MCF2L: variants seen among roughly 807,000 people sequenced by gnomAD.
MCF2L encodes MCF.2 cell line derived transforming sequence like, also known as guanine nucleotide exchange factor DBS.
In MCF2L, 97 loss-of-function variants were observed where a neutral mutation model predicts 153.4. The ratio of observed to expected loss-of-function variants is 0.63; its 90% confidence interval spans 0.54 to 0.75. The LOEUF (loss-of-function observed/expected upper bound fraction) is 0.75, where lower values mean the gene tolerates loss of function less well. Among genes scored for constraint, MCF2L ranks in the 30% least tolerant of loss-of-function variants. The pLI is 0.00. For missense variants in MCF2L, 1,347 were observed against 1,495.2 expected (o/e 0.90, Z 1.64); for synonymous variants, 659 against 632.2 (o/e 1.04, Z -0.64).
intron 1 of MCF2L, among the ~76,000 whole-genome samples, chr13:112,900,299 C>T (rs1458157755): frequency 2.0e-5 from 3 of 152,220 alleles, no homozygotes; most frequent in African/African-American, 7.2e-5. Flanking sequence ...CCGGACCTTT[C>T]TGCAGAGATG....
chr13:113,017,293 G>T (rs2084592234), intron 2 of MCF2L, among the ~76,000 whole-genome samples: 1 of 152,208 alleles, frequency 6.6e-6, no homozygotes, highest in East Asian at 1.9e-4. Context: ...GGTTCCGTGG[G>T]GCTGTGCCCC....
At chr13:113,095,414 CAG>C in intron 27 of MCF2L, 9 of 1,088,956 alleles carry the variant, frequency 8.3e-6, no homozygotes, top group Non-Finnish European at 1.0e-5. Context: ...GTGGGGGACA[CAG>C]AGGCGGAGGC....
intron 1 of MCF2L, chr13:113,009,630 T>A (rs932333621): frequency 2.0e-5 from 3 of 152,264 alleles, no homozygotes; most frequent in Non-Finnish European, 4.4e-5. Context: ...GGGACGGGGA[T>A]GCTGGCCTCC....
chr13:113,021,501 C>T (rs911360807), intron 2 of MCF2L, among the ~76,000 whole-genome samples: 2 of 152,156 alleles, frequency 1.3e-5, no homozygotes, highest in Admixed American at 1.3e-4. Context: ...GGGTGGGGAC[C>T]GGAGGCTGCC....
chr13:113,088,671 G>A (rs372292556), intron 25 of MCF2L, 43 bp downstream of exon 25: 1 of 1,582,252 alleles, frequency 6.3e-7, no homozygotes, highest in African/African-American at 1.3e-5. Flanking sequence ...TTCTGGAGCA[G>A]TCCCGAGCAG....
intron 7 of MCF2L, among the ~76,000 whole-genome samples, chr13:113,065,667 C>A (rs1454296809): frequency 1.3e-5 from 2 of 152,260 alleles, no homozygotes; most frequent in African/African-American, 4.8e-5. Flanking sequence ...CAATGGTAGC[C>A]CAGGGCCATG....
intron 1 of MCF2L, among the ~76,000 whole-genome samples, chr13:112,986,411 C>T (rs1057156421): frequency 1.3e-5 from 2 of 152,212 alleles, no homozygotes; most frequent in East Asian, 1.9e-4. Flanking sequence ...GTCCCACGAA[C>T]GGTGTGGGAG....
At chr13:112,942,436 A>G (rs2081585415) in intron 2 of MCF2L, among the ~76,000 whole-genome samples, 1 of 151,926 alleles carries the variant, frequency 6.6e-6, no homozygotes, top group Admixed American at 6.5e-5. Context: ...TATCCAATAA[A>G]TATCAGTGCA....
chr13:112,914,637 T>TGTCA (rs2081271881), intron 2 of MCF2L, among the ~76,000 whole-genome samples: 1 of 152,266 alleles, frequency 6.6e-6, no homozygotes, highest in Non-Finnish European at 1.5e-5. Flanking sequence ...CCTTGTCTGA[T>TGTCA]GGTTGCTCCA....
At chr13:113,000,733 G>T (rs1471673994) in intron 1 of MCF2L, among the ~76,000 whole-genome samples, 4 of 152,240 alleles carry the variant, frequency 2.6e-5, no homozygotes, top group African/African-American at 9.6e-5. Flanking sequence ...AGAAGCTGAA[G>T]CCTGGAGGGC....
intron 27 of MCF2L, chr13:113,096,167 C>G: frequency 1.7e-6 from 1 of 598,676 alleles, no homozygotes; most frequent in South Asian, 2.0e-5. Context: ...AAGACAGATT[C>G]ACAGACGCCT....
At chr13:112,961,561 G>C (rs1275053758) in intron 2 of MCF2L, among the ~76,000 whole-genome samples, 1 of 152,226 alleles carries the variant, frequency 6.6e-6, no homozygotes, top group African/African-American at 2.4e-5. Context: ...CTGTGGGCTT[G>C]GTGTGGGGTC....
intron 3 of MCF2L, chr13:113,044,477 C>T: frequency 3.0e-6 from 2 of 664,782 alleles, no homozygotes; most frequent in Non-Finnish European, 5.0e-6. Flanking sequence ...TCATGTAAAC[C>T]TAGGACATGT....
chr13:112,978,052 G>A (rs1036838015), intron 1 of MCF2L, among the ~76,000 whole-genome samples: 1 of 152,132 alleles, frequency 6.6e-6, no homozygotes, highest in African/African-American at 2.4e-5. Context: ...CCAATCTGGG[G>A]GATAGAGCAA....
chr13:113,044,561 G>T, intron 3 of MCF2L: 3 of 1,490,252 alleles, frequency 2.0e-6, no homozygotes, highest in Non-Finnish European at 2.7e-6. Context: ...CTTTGGATTG[G>T]CTGGTGGTAG....
chr13:113,085,670 C>A, intron 20 of MCF2L, among the ~76,000 whole-genome samples: 1 of 148,076 alleles, frequency 6.8e-6, no homozygotes, highest in Non-Finnish European at 1.5e-5. Context: ...CAGGAGGGAG[C>A]TCCCCGGGGA....
chr13:113,052,923 CAT>C (rs1417181540), intron 4 of MCF2L, among the ~76,000 whole-genome samples: 3 of 152,054 alleles, frequency 2.0e-5, no homozygotes, highest in Non-Finnish European at 2.9e-5. Context: ...AACACACACA[CAT>C]ATCACACAGA....
intron 2 of MCF2L, among the ~76,000 whole-genome samples, chr13:113,016,652 C>T (rs2084535956): frequency 6.6e-6 from 1 of 152,122 alleles, no homozygotes; most frequent in African/African-American, 2.4e-5. Context: ...ATCCTGCCCA[C>T]CCCCTGGAGG....
At chr13:112,980,867 T>C (rs897848267) in intron 1 of MCF2L, among the ~76,000 whole-genome samples, 2 of 152,130 alleles carry the variant, frequency 1.3e-5, no homozygotes, top group Non-Finnish European at 2.9e-5. Context: ...CACGCCAGGG[T>C]GTCCAGCGCT....
Sources: gnomAD v4.1 joint callset for allele counts (sites outside exome capture counted in the v4.1 genomes callset) on GRCh38, gnomAD v4.1.1 for gene constraint, MANE v1.5 for transcripts, NCBI Gene and HGNC (gene_info 2026-07-23, HGNC 2026-07-21) for gene names.